ADAM19: variants seen among roughly 807,000 people sequenced by gnomAD.
ADAM19 encodes the protein disintegrin and metalloproteinase domain-containing protein 19.
ADAM19 carries 65 observed loss-of-function variants against 114.7 expected under a neutral mutation model. The ratio of observed to expected loss-of-function variants is 0.57; its 90% CI spans 0.46 to 0.70. ADAM19 has a LOEUF of 0.70. ADAM19 is among the 30% of genes least tolerant of loss of function. The pLI is 0.00. For missense variants in ADAM19, 1,063 were observed against 1,204.7 expected (o/e 0.88, Z 1.74); for synonymous variants, 466 against 460.5 (o/e 1.01, Z -0.15).
At chr5:157,570,872 A>C (rs1757800977) in intron 2 of ADAM19, 23 bp downstream of exon 2, 1 of 1,606,870 alleles carries the variant, frequency 6.2e-7, no homozygotes, top group Admixed American at 1.7e-5. Flanking sequence ...CTGCCAGTGT[A>C]AATGAGGTCT....
chr5:157,557,434 C>G (rs754395888), intron 3 of ADAM19, among the ~76,000 whole-genome samples: 1 of 152,150 alleles, frequency 6.6e-6, no homozygotes, highest in Non-Finnish European at 1.5e-5. Flanking sequence ...TCTCTGATAC[C>G]TTAGACAAGC....
At chr5:157,550,081 G>A (rs1286546134) in intron 3 of ADAM19, among the ~76,000 whole-genome samples, 3 of 152,208 alleles carry the variant, frequency 2.0e-5, no homozygotes, top group Non-Finnish European at 4.4e-5. Flanking sequence ...TCATAGGACT[G>A]ACGTGGGGTG....
chr5:157,575,650 GC>G lies in ADAM19; in HGVS notation c.46del (p.Ala16ProfsTer42). On this transcript the variant is annotated frameshift_variant, in exon 1 of 23. Coordinates refer to ENST00000257527, the MANE Select transcript of ADAM19 (RefSeq NM_033274.5). LOFTEE classifies it high-confidence loss of function. The part of the protein sequence containing the change: ...GAARLCLLAF[A>X]LQPLRPRAAR... Reference sequence around the variant, plus strand: ...CGCCCGCGGCCGGAGGGGCTGCAGGGCAAACGCCAGCAAGCAGAGCCGGGCG... The same window carrying G: ...CGCCCGCGGCCGGAGGGGCTGCAGGGAAACGCCAGCAAGCAGAGCCGGGCG... 1 of 1,407,276 alleles carries G rather than the reference GC, an allele frequency of 7.1e-7. No homozygotes were observed. Among genetic ancestry groups the G allele is most frequent in the Non-Finnish European group, 9.2e-7 (1 of 1,088,558 alleles). 87.2% of individuals were successfully genotyped at this position (1,407,276 alleles called of 1,614,324 possible).
Position 157,519,856 on chromosome 5 carries a change from T to G in ADAM19, c.583A>C (p.Lys195Gln). 6.2e-7 allele frequency: 1 copy of G among 1,612,666 alleles called. No homozygotes were observed. The highest frequency in any genetic ancestry group is 1.1e-5 in the South Asian group (1 of 91,006). Residue 195 changes from lysine to glutamine, a missense_variant, in exon 6 of 23, where the codon AAG becomes CAG. Around this residue, in one of 3 missense-constraint regions of ADAM19, gnomAD observed 615 missense variants for 706.3 expected, o/e 0.87. Transcript: ENST00000257527. ...DWALQFTQQT[K>Q]KRPRRMKRED... is the part of the protein sequence containing the mutation. ...AAACTCACCCTGCGAGGTCGCTTCT[T>G]GGTCTGTTGTGTAAACTGAAGAGCC...
rs1035420364 is a variant in ADAM19 at position 157,537,822 on chromosome 5, G to A, written c.330+91C>T. ...TGGGGGAAACACTCCCTTCAGAGGAGAGACCAACTCCATCAGGCATCTCCT... is the reference window on the plus strand; with the variant it reads ...TGGGGGAAACACTCCCTTCAGAGGAAAGACCAACTCCATCAGGCATCTCCT... On this transcript the variant is annotated intron_variant, in intron 4 of 22. Coordinates refer to ENST00000257527, the MANE Select transcript of ADAM19 (RefSeq NM_033274.5). 213 of 1,194,428 alleles carry A rather than the reference G, an allele frequency of 1.8e-4. 1 individual carries two copies. In the African/African-American group the frequency reaches 3.2e-3, roughly 18 times the overall value. The allele number at this position is 1,194,428 out of a possible 1,614,324, so 74.0% of individuals were successfully genotyped here. A position where few individuals can be genotyped will look rare whatever the true frequency, so the allele number is the denominator to read the frequency against.
intron 21 of ADAM19, among the ~76,000 whole-genome samples, chr5:157,483,835 T>C (rs1754840727): frequency 6.6e-6 from 1 of 152,106 alleles, no homozygotes; most frequent in Non-Finnish European, 1.5e-5. Context: ...GGTTTCGCCA[T>C]GTTGGTCAGG....
intron 10 of ADAM19, 86 bp downstream of exon 10, chr5:157,506,970 A>G: frequency 1.7e-6 from 2 of 1,146,468 alleles, no homozygotes; most frequent in South Asian, 1.3e-5. Flanking sequence ...AATAATAAAT[A>G]TCAACTTATT....
At chr5:157,517,802 C>T (rs377233855) in intron 7 of ADAM19, among the ~76,000 whole-genome samples, 43 of 152,172 alleles carry the variant, frequency 2.8e-4, no homozygotes, top group African/African-American at 1.0e-3. Flanking sequence ...ATTCTTAGAA[C>T]CTGTCTGATT....
At chr5:157,527,980 G>A (rs1045659222) in intron 5 of ADAM19, among the ~76,000 whole-genome samples, 3 of 152,038 alleles carry the variant, frequency 2.0e-5, no homozygotes, top group African/African-American at 7.2e-5. Context: ...GATCTCACTT[G>A]ATAGAAATCC....
intron 4 of ADAM19, among the ~76,000 whole-genome samples, chr5:157,537,264 G>A (rs1201888681): frequency 6.6e-6 from 1 of 152,208 alleles, no homozygotes; most frequent in Non-Finnish European, 1.5e-5. Flanking sequence ...ACCATGAAAT[G>A]TGTATCATTC....
chr5:157,551,335 C>T (rs1403028411), intron 3 of ADAM19, among the ~76,000 whole-genome samples: 2 of 143,624 alleles, frequency 1.4e-5, no homozygotes, highest in Non-Finnish European at 3.0e-5. Flanking sequence ...ACCAAGAAGG[C>T]AGTGGCTGCA....
intron 1 of ADAM19, 81 bp from the exon 2 acceptor site, chr5:157,571,061 GC>G: frequency 8.4e-7 from 1 of 1,195,316 alleles, no homozygotes; most frequent in Non-Finnish European, 1.2e-6. Context: ...TCTGTGAGCT[GC>G]CCCTGCACTG....
chr5:157,572,839 C>G (rs1757869975), intron 1 of ADAM19, among the ~76,000 whole-genome samples: 1 of 152,152 alleles, frequency 6.6e-6, no homozygotes, highest in Admixed American at 6.5e-5. Flanking sequence ...CACCTGAAGT[C>G]AGGAGTTTGA....
chr5:157,498,959 AATTGTGGAAGAGAG>A (rs1755460493), intron 13 of ADAM19, among the ~76,000 whole-genome samples: 1 of 152,034 alleles, frequency 6.6e-6, no homozygotes, highest in African/African-American at 2.4e-5. Flanking sequence ...TTAATTTCAG[AATTGTGGAAGAGAG>A]ATTGTGGTTC....
intron 3 of ADAM19, among the ~76,000 whole-genome samples, chr5:157,563,135 G>A (rs1044922730): frequency 4.6e-5 from 7 of 152,010 alleles, no homozygotes; most frequent in East Asian, 3.9e-4. Flanking sequence ...GCCAATAGAC[G>A]CTGCACTGTC....
At chr5:157,526,200 AC>A (rs1756451012) in intron 5 of ADAM19, among the ~76,000 whole-genome samples, 2 of 151,570 alleles carry the variant, frequency 1.3e-5, no homozygotes, top group African/African-American at 4.9e-5. Context: ...ACACACACAC[AC>A]AATTATGTAT....
At chr5:157,556,189 A>G (rs1757360519) in intron 3 of ADAM19, among the ~76,000 whole-genome samples, 1 of 114,304 alleles carries the variant, frequency 8.7e-6, no homozygotes, top group Non-Finnish European at 1.9e-5. Flanking sequence ...GGTTTTTATA[A>G]CCTGTTTTTT....
intron 4 of ADAM19, among the ~76,000 whole-genome samples, chr5:157,535,620 G>A (rs540179196): frequency 6.6e-6 from 1 of 152,334 alleles, no homozygotes; most frequent in South Asian, 2.1e-4. Flanking sequence ...AGGGGATTCT[G>A]GGAGAGGGGG....
intron 21 of ADAM19, among the ~76,000 whole-genome samples, chr5:157,483,241 T>C (rs1419574916): frequency 6.6e-6 from 1 of 152,206 alleles, no homozygotes; most frequent in Non-Finnish European, 1.5e-5. Context: ...TTCTCTGATC[T>C]AGTAATTCTA....
Sources: gnomAD v4.1 joint callset for allele counts (sites outside exome capture counted in the v4.1 genomes callset) on GRCh38, gnomAD v4.1.1 for gene constraint, gnomAD v4.1.1 regional missense constraint, MANE v1.5 for transcripts, NCBI Gene and HGNC (gene_info 2026-07-23, HGNC 2026-07-21) for gene names.